The following CC2D2A variants were observed in gnomAD, a reference collection of about 807,000 sequenced individuals.
The protein encoded by CC2D2A is coiled-coil and C2 domain-containing protein 2A.
CC2D2A carries 155 observed loss-of-function variants against 212.9 expected under a neutral mutation model. That is an observed-to-expected ratio of 0.73 (90% confidence interval 0.64 to 0.83). CC2D2A has a LOEUF of 0.83. Among genes scored for constraint, CC2D2A ranks in the 40% least tolerant of loss-of-function variants. The probability of loss-of-function intolerance (pLI) is 0.00; values close to 1 mark genes in which losing one functional copy is unlikely to be tolerated. For missense variants in CC2D2A, 1,856 were observed against 1,956.2 expected (o/e 0.95, Z 0.97); for synonymous variants, 667 against 686.5 (o/e 0.97, Z 0.44).
intron 23 of CC2D2A, among the ~76,000 whole-genome samples, chr4:15,560,929 T>A (rs913576953): frequency 6.6e-6 from 1 of 152,176 alleles, no homozygotes; most frequent in African/African-American, 2.4e-5. Flanking sequence ...TGACAGCATT[T>A]CCCTCCTGCA....
intron 4 of CC2D2A, among the ~76,000 whole-genome samples, chr4:15,488,056 C>G: frequency 6.6e-6 from 1 of 151,806 alleles, no homozygotes; most frequent in East Asian, 1.9e-4. Flanking sequence ...ATAGGTTTTT[C>G]TTTTAGTCTT....
At chr4:15,596,973 A>C (rs1721348434) in intron 34 of CC2D2A, among the ~76,000 whole-genome samples, 1 of 152,214 alleles carries the variant, frequency 6.6e-6, no homozygotes, top group Non-Finnish European at 1.5e-5. Flanking sequence ...TTGCATGTTC[A>C]TAAAACAATT....
At chr4:15,532,340 T>C in intron 13 of CC2D2A, among the ~76,000 whole-genome samples, 1 of 152,198 alleles carries the variant, frequency 6.6e-6, no homozygotes, top group Non-Finnish European at 1.5e-5. Flanking sequence ...TACCACTAAG[T>C]CATCACACGT....
At position 15,580,145 on chromosome 4, in the gene CC2D2A, T is replaced by C. The variant is rs1227862594; in HGVS notation, c.3949T>C (p.Tyr1317His). ...LNPPQELLNVYPNNLQATAEL... is the reference protein window; with the variant it reads ...LNPPQELLNVHPNNLQATAEL... The stretch of plus-strand genomic sequence containing the variant: ...CCCTCCTCAGGAGCTCCTTAATGTC[T>C]ACCCCAATAATCTACAGGCAACTGC... The change falls in exon 30 of 37, where the codon TAC becomes CAC. Residue 1317 changes from tyrosine (Y) to histidine (H), a missense_variant. Transcript: ENST00000424120. 1 of 1,613,822 alleles carries C rather than the reference T, an allele frequency of 6.2e-7. No individual in the cohort carries two copies. Among genetic ancestry groups the C allele is most frequent in the Non-Finnish European group, 8.5e-7 (1 of 1,179,732 alleles).
At position 15,510,198 on chromosome 4, in the gene CC2D2A, C is replaced by A; in HGVS notation, c.498C>A (p.Val166=). ...QEVDSQSYSR[V]KFHDSARKIK... ...TTGACTCCCAAAGTTACTCAAGAGT[C>A]AAGTTCCATGATTCTGCACGAAAAA... Residue 166 remains valine, a synonymous_variant, in exon 7 of 37, where the codon GTC becomes GTA. Transcript: ENST00000424120. 6.2e-7 allele frequency: 1 copy of A among 1,613,264 alleles called. No individual in the cohort carries two copies. Among genetic ancestry groups the A allele is most frequent in the South Asian group, 1.1e-5 (1 of 90,810 alleles).
intron 34 of CC2D2A, among the ~76,000 whole-genome samples, chr4:15,596,799 G>T (rs985833352): frequency 6.6e-6 from 1 of 152,168 alleles, no homozygotes; most frequent in African/African-American, 2.4e-5. Flanking sequence ...TTTAGTAGGA[G>T]CATTGCTTGA....
At chr4:15,530,780 C>G (rs1041950872) in intron 13 of CC2D2A, among the ~76,000 whole-genome samples, 2 of 152,008 alleles carry the variant, frequency 1.3e-5, no homozygotes, top group South Asian at 2.1e-4. Context: ...TTTCCTCAAG[C>G]CCCCTGGGAT....
intron 6 of CC2D2A, among the ~76,000 whole-genome samples, chr4:15,508,127 A>T (rs1306069554): frequency 6.6e-6 from 1 of 152,212 alleles, no homozygotes; most frequent in Non-Finnish European, 1.5e-5. Flanking sequence ...GACAGAAGCC[A>T]TTAGACAAAT....
intron 4 of CC2D2A, among the ~76,000 whole-genome samples, chr4:15,482,702 A>G (rs1004478812): frequency 6.6e-6 from 1 of 152,194 alleles, no homozygotes; most frequent in African/African-American, 2.4e-5. Flanking sequence ...GGGGGGACAC[A>G]ATTCAGTCCT....
intron 29 of CC2D2A, among the ~76,000 whole-genome samples, 172 bp downstream of exon 29, chr4:15,574,498 G>A (rs1316602264): frequency 6.6e-6 from 1 of 152,144 alleles, no homozygotes; most frequent in South Asian, 2.1e-4. Context: ...CAGATGTGTG[G>A]GTTTGTACTT....
intron 30 of CC2D2A, among the ~76,000 whole-genome samples, chr4:15,581,877 C>T (rs529788319): frequency 5.3e-5 from 8 of 151,984 alleles, no homozygotes; most frequent in African/African-American, 1.7e-4. Flanking sequence ...AACTCAGCCT[C>T]AAAAAAATTC....
chr4:15,597,324 A>T, intron 34 of CC2D2A, 83 bp from the exon 35 acceptor site: 2 of 1,004,930 alleles, frequency 2.0e-6, no homozygotes, highest in African/African-American at 1.6e-5. Flanking sequence ...CTGAGATTTC[A>T]TTGATTTTTA....
intron 33 of CC2D2A, among the ~76,000 whole-genome samples, chr4:15,593,999 G>A (rs746971181): frequency 6.6e-6 from 1 of 151,868 alleles, no homozygotes; most frequent in South Asian, 2.1e-4. Context: ...AATGGCCTAC[G>A]GGACCTCCAT....
At chr4:15,590,574 C>T (rs370727739) in intron 33 of CC2D2A, among the ~76,000 whole-genome samples, 3 of 152,260 alleles carry the variant, frequency 2.0e-5, no homozygotes, top group Admixed American at 1.3e-4. Context: ...TTATCATTTA[C>T]TAGTTGTGTG....
At chr4:15,553,440 C>A (rs1719109272) in intron 19 of CC2D2A, 135 bp downstream of exon 19, 18 of 1,063,024 alleles carry the variant, frequency 1.7e-5, no homozygotes, top group East Asian at 2.7e-5. Flanking sequence ...GTTTTTTATT[C>A]TTAAGGTAAA....
rs373780145 is a variant in CC2D2A at position 15,567,769 on chromosome 4, A to G, written c.3381A>G (p.Glu1127=). The G allele has an allele frequency of 3.8e-5, 61 of 1,591,772 alleles. No individual in the cohort carries two copies. The African/African-American group carries it at 7.5e-4, about 20-fold the overall frequency. Reference sequence around the variant, plus strand: ...GACCAAACCCTAGCTGGAATGAAGAACTAGAACTTCCATTTAGGTAAGCAT... The same window carrying G: ...GACCAAACCCTAGCTGGAATGAAGAGCTAGAACTTCCATTTAGGTAAGCAT... ...AEGPNPSWNE[E]LELPFRAPNG... The change falls in exon 26 of 37, where the codon GAA becomes GAG. Residue 1127 remains glutamate, a synonymous_variant. Transcript: ENST00000424120.
chr4:15,570,627 G>GTAGA, intron 28 of CC2D2A, 131 bp downstream of exon 28: 1 of 563,200 alleles, frequency 1.8e-6, no homozygotes, highest in Non-Finnish European at 3.3e-6. Flanking sequence ...GGCCAAGGAG[G>GTAGA]GCACATCATC....
chr4:15,554,360 G>A lies in CC2D2A; in HGVS notation c.2487-712G>A, dbSNP rs541971214. On this transcript the variant is annotated intron_variant, in intron 19 of 36. Transcript: ENST00000424120. ...TGATCTCCAGGTGTCCAAAGCTGGT[G>A]CTTAAGTTTGTTGTTTAGTAGTTGG... is the stretch of plus-strand genomic sequence containing the variant. Among the ~76,000 whole-genome samples, 93 of 152,308 alleles carry A rather than the reference G, an allele frequency of 6.1e-4. No homozygotes were observed. The Middle Eastern group carries it at 0.014, about 23-fold the overall frequency.
intron 4 of CC2D2A, among the ~76,000 whole-genome samples, chr4:15,500,103 G>GTATA (rs1417025229): frequency 4.1e-5 from 3 of 73,158 alleles, no homozygotes; most frequent in African/African-American, 1.1e-4. Context: ...GTGTGTGTGT[G>GTATA]TGTGTATATA....
Sources: gnomAD v4.1 joint callset for allele counts (sites outside exome capture counted in the v4.1 genomes callset) on GRCh38, gnomAD v4.1.1 for gene constraint, MANE v1.5 for transcripts, NCBI Gene and HGNC (gene_info 2026-07-23, HGNC 2026-07-21) for gene names.